The following SORD variants were observed in gnomAD, a reference collection of about 807,000 sequenced individuals.
The protein encoded by SORD is (R,R)-butanediol dehydrogenase.
In SORD, 18 loss-of-function variants were observed where a neutral mutation model predicts 35.6. The observed-to-expected ratio is 0.51, with a 90% CI of 0.35 to 0.75. The LOEUF (loss-of-function observed/expected upper bound fraction) is 0.75. SORD is among the 30% of genes least tolerant of loss of function. The pLI, the probability that SORD is intolerant of heterozygous loss-of-function variation, is 0.01. For synonymous variants in SORD, 106 were observed against 152.9 expected, an observed-to-expected ratio of 0.69 and a Z score of 2.26; for missense variants, 250 against 390.2, an observed-to-expected ratio of 0.64 and a Z score of 3.03.
chr15:45,047,710 G>T (rs1893066040), intron 3 of SORD, among the ~76,000 whole-genome samples: 1 of 152,156 alleles, frequency 6.6e-6, no homozygotes, highest in Admixed American at 6.5e-5. Context: ...GCAGGATAAG[G>T]CCTGTGGGTC....
At chr15:45,039,631 T>G (rs749313230) in intron 1 of SORD, among the ~76,000 whole-genome samples, 26 of 152,200 alleles carry the variant, frequency 1.7e-4, no homozygotes, top group Non-Finnish European at 3.2e-4. Context: ...CTTTTGAACC[T>G]GTGAGAGGGG....
intron 1 of SORD, among the ~76,000 whole-genome samples, chr15:45,036,879 T>G (rs1963993809): frequency 6.6e-6 from 1 of 152,010 alleles, no homozygotes; most frequent in Non-Finnish European, 1.5e-5. Flanking sequence ...ATAGGATAAA[T>G]GGAAGAGTAT....
intron 1 of SORD, among the ~76,000 whole-genome samples, chr15:45,025,080 G>A (rs1446183204): frequency 6.6e-6 from 1 of 152,198 alleles, no homozygotes; most frequent in Non-Finnish European, 1.5e-5. Flanking sequence ...AACTAACCTT[G>A]ATCTCATCAG....
intron 3 of SORD, among the ~76,000 whole-genome samples, chr15:45,054,863 T>A (rs980584361): frequency 4.6e-5 from 7 of 150,552 alleles, no homozygotes; most frequent in Admixed American, 4.6e-4. Flanking sequence ...TTTCTACATA[T>A]GGCTAGCCAG....
chr15:45,043,855 A>C (rs1436405590), intron 3 of SORD, among the ~76,000 whole-genome samples: 3 of 151,854 alleles, frequency 2.0e-5, no homozygotes, highest in Non-Finnish European at 1.5e-5. Context: ...TATTTTTCCT[A>C]GATTTACTAA....
intron 1 of SORD, among the ~76,000 whole-genome samples, chr15:45,027,854 A>T (rs1261055903): frequency 1.3e-5 from 2 of 152,216 alleles, no homozygotes; most frequent in Non-Finnish European, 2.9e-5. Context: ...GTTCACTCGA[A>T]TGGTAAGGAA....
chr15:45,028,351 A>C (rs114919425), intron 1 of SORD, among the ~76,000 whole-genome samples: 27,027 of 142,638 alleles, frequency 0.19, no homozygotes, highest in African/African-American at 0.44. Flanking sequence ...CAAAAAAATT[A>C]TATAAACATT....
At position 45,023,432 on chromosome 15, in the gene SORD, C is replaced by A. The variant is rs939429014; in HGVS notation, c.66+83C>A. ...CAGCCATAGTCCTGGCTTCCCACTTCCAGCCTGGCGCCGGCCCCGCACCTT... is the reference window on the plus strand; with the variant it reads ...CAGCCATAGTCCTGGCTTCCCACTTACAGCCTGGCGCCGGCCCCGCACCTT... On this transcript the variant is annotated intron_variant, in intron 1 of 8. Coordinates refer to ENST00000267814, the MANE Select transcript of SORD (RefSeq NM_003104.6). The A allele has an allele frequency of 7.0e-5, 85 of 1,219,264 alleles. No homozygotes were observed. In the Admixed American group the frequency reaches 2.1e-3, roughly 30 times the overall value. 75.5% of individuals were successfully genotyped at this position (1,219,264 alleles called of 1,614,324 possible).
At chr15:45,028,137 C>G (rs1194668578) in intron 1 of SORD, among the ~76,000 whole-genome samples, 1 of 152,172 alleles carries the variant, frequency 6.6e-6, no homozygotes, top group Non-Finnish European at 1.5e-5. Flanking sequence ...ACCAGCCTGG[C>G]CAACATGGCA....
chr15:45,051,593 A>C (rs1893124962), intron 3 of SORD, among the ~76,000 whole-genome samples: 1 of 152,250 alleles, frequency 6.6e-6, no homozygotes, highest in African/African-American at 2.4e-5. Flanking sequence ...AAACAAGGCA[A>C]AAACCTTCAC....
At chr15:45,047,327 A>G (rs1007504057) in intron 3 of SORD, 2 of 151,728 alleles carry the variant, frequency 1.3e-5, no homozygotes, top group Non-Finnish European at 2.9e-5. Flanking sequence ...TCCCTGCTGA[A>G]TAAAGGCCAG....
chr15:45,027,066 T>C (rs548718941), intron 1 of SORD, among the ~76,000 whole-genome samples: 5 of 152,252 alleles, frequency 3.3e-5, no homozygotes, highest in Non-Finnish European at 5.9e-5. Flanking sequence ...ATAAATTGGG[T>C]GGTAAGTCAG....
chr15:45,064,679 C>G (rs1451271208), intron 4 of SORD, among the ~76,000 whole-genome samples: 1 of 152,162 alleles, frequency 6.6e-6, no homozygotes, highest in East Asian at 1.9e-4. Context: ...GAGTGATGCC[C>G]ATTGCTAAAT....
chr15:45,065,390 G>C lies in SORD; in HGVS notation c.544+1G>C. On this transcript the variant is annotated splice_donor_variant, in intron 5 of 8. Coordinates refer to ENST00000267814, the MANE Select transcript of SORD (RefSeq NM_003104.6). LOFTEE classifies it high-confidence loss of function. ...CACAAGGTCCTTGTGTGTGGAGCTG[G>C]TAAGAAACAGAAGCCACCCTGTTGC... 1 of 1,599,836 alleles carries C rather than the reference G, an allele frequency of 6.3e-7. No individual in the cohort carries two copies. Among genetic ancestry groups the C allele is most frequent in the South Asian group, 1.1e-5 (1 of 88,826 alleles).
intron 1 of SORD, among the ~76,000 whole-genome samples, chr15:45,038,679 G>C (rs913469287): frequency 9.9e-5 from 15 of 152,196 alleles, no homozygotes; most frequent in Admixed American, 7.2e-4. Flanking sequence ...TTGGCTTCAA[G>C]GTATTTATTA....
At chr15:45,067,360 A>C (rs963059822) in intron 5 of SORD, among the ~76,000 whole-genome samples, 5 of 152,084 alleles carry the variant, frequency 3.3e-5, no homozygotes, top group African/African-American at 4.8e-5. Context: ...ACTCTGTCTC[A>C]AAAAAAATAC....
chr15:45,053,016 A>G (rs1429537886), intron 3 of SORD, among the ~76,000 whole-genome samples: 1 of 152,224 alleles, frequency 6.6e-6, no homozygotes, highest in East Asian at 1.9e-4. Context: ...TCGAGAATAC[A>G]GAGAGAAAAT....
chr15:45,025,986 A>T (rs896111576), intron 1 of SORD, among the ~76,000 whole-genome samples: 6 of 152,206 alleles, frequency 3.9e-5, no homozygotes, highest in Non-Finnish European at 8.8e-5. Flanking sequence ...GAAGGAAAGA[A>T]GAGGAGGACA....
chr15:45,071,573 A>C (rs1412586041), intron 7 of SORD, among the ~76,000 whole-genome samples: 1 of 152,176 alleles, frequency 6.6e-6, no homozygotes, highest in Non-Finnish European at 1.5e-5. Context: ...TATAATGAAC[A>C]ATCAGCATGA....
Sources: gnomAD v4.1 joint callset for allele counts (sites outside exome capture counted in the v4.1 genomes callset) on GRCh38, gnomAD v4.1.1 for gene constraint, MANE v1.5 for transcripts, NCBI Gene and HGNC (gene_info 2026-07-23, HGNC 2026-07-21) for gene names.